Variants in RGS6 observed in about 807,000 individuals in gnomAD.
The protein encoded by RGS6 is regulator of G-protein signaling 6.
In RGS6, 30 loss-of-function variants were observed where a neutral mutation model predicts 78.5. The ratio of observed to expected loss-of-function variants is 0.38; its 90% CI spans 0.29 to 0.52. RGS6 has a LOEUF of 0.52. RGS6 is among the 20% of genes least tolerant of loss of function. The probability of loss-of-function intolerance (pLI) is 0.85; values close to 1 mark genes in which losing one functional copy is unlikely to be tolerated. For synonymous variants in RGS6, 206 were observed against 206.0 expected (o/e 1.00, Z 0.00); for missense variants, 495 against 609.7 (o/e 0.81, Z 1.98).
intron 17 of RGS6, chr14:72,541,064 G>A (rs762695832): frequency 1.1e-5 from 15 of 1,347,202 alleles, no homozygotes; most frequent in South Asian, 8.2e-5. Flanking sequence ...GCTCAATCAC[G>A]GGGCCCATCC....
At chr14:72,545,205 G>C (rs1361251237) in intron 17 of RGS6, among the ~76,000 whole-genome samples, 1 of 152,228 alleles carries the variant, frequency 6.6e-6, no homozygotes, top group African/African-American at 2.4e-5. Flanking sequence ...GGACCACTGG[G>C]TCACAAACAT....
At chr14:72,523,105 G>A (rs1347925299) in intron 15 of RGS6, among the ~76,000 whole-genome samples, 4 of 152,212 alleles carry the variant, frequency 2.6e-5, no homozygotes, top group Non-Finnish European at 4.4e-5. Context: ...AAGTTCCCAG[G>A]TATAAAAAGG....
intron 3 of RGS6, among the ~76,000 whole-genome samples, chr14:72,418,989 T>G (rs1484730398): frequency 2.6e-5 from 4 of 152,198 alleles, no homozygotes; most frequent in Non-Finnish European, 5.9e-5. Context: ...AAACTAAGAT[T>G]TGCTGTGAAG....
Position 72,117,836 on chromosome 14 carries a change from G to A in RGS6, c.84+152961G>A, listed in dbSNP as rs2095940212. Among the ~76,000 whole-genome samples the A allele has an allele frequency of 2.0e-5, 3 of 152,134 alleles. No homozygotes were observed. In the South Asian group the frequency reaches 6.2e-4, roughly 32 times the overall value. On this transcript the variant is annotated intron_variant, in intron 2 of 17. Coordinates refer to ENST00000553525, the MANE Select transcript of RGS6 (RefSeq NM_001204424.2). The stretch of plus-strand genomic sequence containing the variant: ...CAGCTCTTCCCCTTCTGCCTCCTTT[G>A]CCTTGTGACCCACAAGGACCCATGA...
chr14:72,349,665 T>A (rs568799539), intron 2 of RGS6, among the ~76,000 whole-genome samples: 2 of 152,272 alleles, frequency 1.3e-5, no homozygotes, highest in South Asian at 4.1e-4. Context: ...CTTAGTAAAT[T>A]GTGGGCAAAC....
chr14:71,901,613 T>C, the RGS6 span, among the ~76,000 whole-genome samples: 2 of 152,186 alleles, frequency 1.3e-5, no homozygotes, highest in Non-Finnish European at 2.9e-5. Context: ...AATGAATGGC[T>C]CCCCGTTGAC....
chr14:72,093,320 C>G, intron 2 of RGS6, among the ~76,000 whole-genome samples: 1 of 152,188 alleles, frequency 6.6e-6, no homozygotes, highest in Non-Finnish European at 1.5e-5. Flanking sequence ...TGGCTCACTG[C>G]AGCCTCTACC....
chr14:72,414,837 C>T (rs754384086), intron 3 of RGS6, among the ~76,000 whole-genome samples: 5 of 152,180 alleles, frequency 3.3e-5, no homozygotes, highest in Non-Finnish European at 5.9e-5. Flanking sequence ...TGTTTACCTG[C>T]GTATCAGCAG....
At chr14:72,022,457 G>A (rs1220312350) in intron 2 of RGS6, 1 of 152,178 alleles carries the variant, frequency 6.6e-6, no homozygotes, top group Non-Finnish European at 1.5e-5. Flanking sequence ...GTAGAGCAAG[G>A]AGTTTGATCT....
intron 2 of RGS6, among the ~76,000 whole-genome samples, chr14:72,105,228 G>T (rs1475268113): frequency 6.6e-6 from 1 of 152,194 alleles, no homozygotes; most frequent in Non-Finnish European, 1.5e-5. Context: ...CAGTGGGACA[G>T]GCCTGATGTG....
rs916870939 is a variant in RGS6 at position 72,564,578 on chromosome 14, G to A, written c.*2111G>A. 3.3e-5 allele frequency: 5 copies of A among 152,274 alleles called. No homozygotes were observed. Among genetic ancestry groups the A allele is most frequent in the African/African-American group, 1.2e-4 (5 of 41,458 alleles). The allele number at this position is 152,274 out of a possible 1,614,324, so 9.4% of individuals were successfully genotyped here. ...GGGCAAAGGGTGTTCCCAAGCAGCA[G>A]GCACCTCAGTGCCCTCAGTTATCCA... On this transcript the variant is annotated 3_prime_UTR_variant, in exon 18 of 18. Transcript: ENST00000553525.
At chr14:72,364,269 G>T (rs146225881) in intron 3 of RGS6, among the ~76,000 whole-genome samples, 62 of 152,270 alleles carry the variant, frequency 4.1e-4, no homozygotes, top group African/African-American at 1.4e-3. Flanking sequence ...CAAATCTCAT[G>T]CTTACCTCTA....
intron 2 of RGS6, among the ~76,000 whole-genome samples, chr14:72,204,323 C>T (rs2042249220): frequency 6.6e-6 from 1 of 152,312 alleles, no homozygotes; most frequent in Non-Finnish European, 1.5e-5. Flanking sequence ...AGTCACCAAA[C>T]ATAGCCCACA....
chr14:72,086,362 G>T (rs1223411317), intron 2 of RGS6, among the ~76,000 whole-genome samples: 3 of 152,202 alleles, frequency 2.0e-5, no homozygotes, highest in East Asian at 1.9e-4. Flanking sequence ...CTGGTTGTTG[G>T]TGTTTTTCTT....
At chr14:71,981,507 GAA>G (rs2094450043) in intron 2 of RGS6, among the ~76,000 whole-genome samples, 1 of 151,640 alleles carries the variant, frequency 6.6e-6, no homozygotes, top group South Asian at 2.1e-4. Flanking sequence ...AGGTCTGTTG[GAA>G]TACCCGGCCG....
At chr14:72,422,302 T>C (rs1313668061) in intron 3 of RGS6, among the ~76,000 whole-genome samples, 3 of 152,180 alleles carry the variant, frequency 2.0e-5, no homozygotes, top group Non-Finnish European at 4.4e-5. Flanking sequence ...ATAAAATTCT[T>C]ATATACTTAG....
At chr14:72,597,053 A>T in the RGS6 span, among the ~76,000 whole-genome samples, 1 of 152,206 alleles carries the variant, frequency 6.6e-6, no homozygotes, top group African/African-American at 2.4e-5. Flanking sequence ...AGCCTGGCCA[A>T]CATGGTGAAA....
At chr14:72,402,432 A>T (rs546194917) in intron 3 of RGS6, among the ~76,000 whole-genome samples, 6 of 152,322 alleles carry the variant, frequency 3.9e-5, no homozygotes, top group Non-Finnish European at 7.4e-5. Context: ...TGTGACTAAA[A>T]ACTGGGCAAA....
At chr14:72,534,022 T>C (rs1007020916) in intron 15 of RGS6, among the ~76,000 whole-genome samples, 1 of 152,250 alleles carries the variant, frequency 6.6e-6, no homozygotes, top group African/African-American at 2.4e-5. Context: ...GGTAAAATGC[T>C]ATCAAACACC....
Sources: gnomAD v4.1 joint callset for allele counts (sites outside exome capture counted in the v4.1 genomes callset) on GRCh38, gnomAD v4.1.1 for gene constraint, MANE v1.5 for transcripts, NCBI Gene and HGNC (gene_info 2026-07-23, HGNC 2026-07-21) for gene names.